Variants in ERC2 observed in about 807,000 individuals in gnomAD.
ERC2 encodes the protein ERC protein 2.
Under a neutral mutation model 114.8 loss-of-function variants are expected in ERC2, and 42 were observed. The ratio of observed to expected loss-of-function variants is 0.37; its 90% confidence interval spans 0.29 to 0.47. The LOEUF (loss-of-function observed/expected upper bound fraction) is 0.47. Ranked by LOEUF, ERC2 falls within the 20% of genes least tolerant of loss-of-function variation. The probability of loss-of-function intolerance (pLI) is 0.99; values close to 1 mark genes in which losing one functional copy is unlikely to be tolerated. For synonymous variants in ERC2, 454 were observed against 425.5 expected, an observed-to-expected ratio of 1.07 and a Z score of -0.82; for missense variants, 939 against 1,150.7, an observed-to-expected ratio of 0.82 and a Z score of 2.66.
intron 3 of ERC2, among the ~76,000 whole-genome samples, chr3:56,239,358 T>A (rs1211326564): frequency 6.6e-6 from 1 of 150,882 alleles, no homozygotes; most frequent in Non-Finnish European, 1.5e-5. Context: ...CACAAAAAAT[T>A]AGCCAGGCAT....
intron 7 of ERC2, among the ~76,000 whole-genome samples, chr3:56,066,781 C>T (rs2076502355): frequency 6.6e-6 from 1 of 152,008 alleles, no homozygotes; most frequent in Admixed American, 6.6e-5. Flanking sequence ...GGCCTATTTT[C>T]CCAGCACCAT....
rs141377507 is a variant in ERC2, at chr3:55,586,455, T to C, written c.*40-75179A>G. Among the ~76,000 whole-genome samples the C allele has an allele frequency of 6.0e-3, 915 of 152,336 alleles. 8 individuals are homozygous for C. Among genetic ancestry groups the C allele is most frequent in the Non-Finnish European group, 0.011 (757 of 68,034 alleles). On this transcript the variant is annotated intron_variant, in intron 17 of 17. Coordinates refer to ENST00000288221, the MANE Select transcript of ERC2 (RefSeq NM_015576.3). ...TTACCGGATATTTCCCCATTCTAAA[T>C]TCACAAACATAAGAACGCAATCTAA...
chr3:56,439,655 T>C (rs1257166638), intron 1 of ERC2, among the ~76,000 whole-genome samples: 1 of 152,226 alleles, frequency 6.6e-6, no homozygotes, highest in Non-Finnish European at 1.5e-5. Context: ...TTAAATGATA[T>C]AGCTTTTGGT....
intron 14 of ERC2, among the ~76,000 whole-genome samples, chr3:55,796,900 A>G (rs1184467724): frequency 6.7e-6 from 1 of 150,014 alleles, no homozygotes; most frequent in African/African-American, 2.5e-5. Context: ...TTTAAATAAA[A>G]CAACAACCAA....
At chr3:55,945,341 CCATAACACATGAACATAGATCACA>C (rs2067058317) in intron 13 of ERC2, among the ~76,000 whole-genome samples, 2 of 152,250 alleles carry the variant, frequency 1.3e-5, no homozygotes, top group East Asian at 3.9e-4. Context: ...GGTAAGTGTA[CCATAACACATGAACATAGATCACA>C]TTTAAAGTAA....
chr3:55,953,502 G>A (rs2067720991), intron 12 of ERC2, among the ~76,000 whole-genome samples: 1 of 152,170 alleles, frequency 6.6e-6, no homozygotes, highest in Non-Finnish European at 1.5e-5. Flanking sequence ...ATTTCTAGCA[G>A]TTGAAGCCTT....
At chr3:56,463,073 C>T (rs931846527) in intron 1 of ERC2, among the ~76,000 whole-genome samples, 1 of 151,996 alleles carries the variant, frequency 6.6e-6, no homozygotes, top group African/African-American at 2.4e-5. Flanking sequence ...CAAAAGTATA[C>T]AAAAATCAGC....
In ERC2 at chr3:56,033,050, AAGAAAG is replaced by A. The variant is rs1560058587; in HGVS notation, c.1642-14025_1642-14020del. On this transcript the variant is annotated intron_variant, in intron 7 of 17. Transcript: ENST00000288221. ...AGAAACAGAAAGAAAGAAAGAAAGA[AAGAAAG>A]AAAGAAAGAAAGAAAGAAAGAAAGA... 5.1e-3 allele frequency among the ~76,000 whole-genome samples: 547 copies of A among 106,740 alleles called. 11 individuals carry two copies. Among genetic ancestry groups the A allele is most frequent in the Non-Finnish European group, 8.6e-3 (376 of 43,960 alleles). The allele number at this position is 106,740 out of a possible 152,430, so 70.0% of individuals were successfully genotyped here.
At chr3:56,203,921 C>T (rs918898385) in intron 3 of ERC2, among the ~76,000 whole-genome samples, 2 of 152,206 alleles carry the variant, frequency 1.3e-5, no homozygotes, top group Non-Finnish European at 2.9e-5. Context: ...GTGGCTTACG[C>T]CTGTAATCCC....
At chr3:56,161,250 G>T (rs567167829) in intron 4 of ERC2, among the ~76,000 whole-genome samples, 1 of 152,148 alleles carries the variant, frequency 6.6e-6, no homozygotes, top group Admixed American at 6.5e-5. Context: ...CTGAGCAGTT[G>T]TTGTTGCCAT....
chr3:56,463,158 G>T (rs2063393471), intron 1 of ERC2, among the ~76,000 whole-genome samples: 2 of 152,296 alleles, frequency 1.3e-5, no homozygotes, highest in South Asian at 4.1e-4. Flanking sequence ...AGCCGGGGAA[G>T]TCAAGGCTGC....
chr3:55,844,697 T>C (rs1308917013), intron 14 of ERC2, among the ~76,000 whole-genome samples: 2 of 152,172 alleles, frequency 1.3e-5, no homozygotes, highest in Non-Finnish European at 2.9e-5. Context: ...TATCTCAATT[T>C]AAAAAAATTA....
chr3:55,520,890 A>C, intron 17 of ERC2, among the ~76,000 whole-genome samples: 1 of 152,170 alleles, frequency 6.6e-6, no homozygotes, highest in East Asian at 1.9e-4. Flanking sequence ...ATCTCCCTAA[A>C]CTGGATCTTA....
intron 3 of ERC2, among the ~76,000 whole-genome samples, chr3:56,198,456 G>A (rs1246019494): frequency 6.6e-6 from 1 of 152,158 alleles, no homozygotes; most frequent in Non-Finnish European, 1.5e-5. Flanking sequence ...CAGGGAGGAG[G>A]TCAGAGGAGA....
chr3:55,564,094 G>A (rs973752444), intron 17 of ERC2, among the ~76,000 whole-genome samples: 7 of 152,244 alleles, frequency 4.6e-5, no homozygotes, highest in Admixed American at 1.3e-4. Context: ...GTTCTAAGGC[G>A]CGGTATCTGG....
At chr3:55,975,525 AC>A (rs1331332729) in intron 12 of ERC2, among the ~76,000 whole-genome samples, 10 of 152,042 alleles carry the variant, frequency 6.6e-5, no homozygotes, top group African/African-American at 2.4e-4. Flanking sequence ...AGATTTTTGT[AC>A]TTTTGTCTTT....
At chr3:55,608,534 C>T (rs901212526) in intron 17 of ERC2, among the ~76,000 whole-genome samples, 4 of 152,100 alleles carry the variant, frequency 2.6e-5, no homozygotes, top group African/African-American at 9.7e-5. Flanking sequence ...CCTATGATGC[C>T]GCGATCAGCC....
intron 1 of ERC2, among the ~76,000 whole-genome samples, chr3:56,461,153 GC>G (rs1341856849): frequency 6.6e-6 from 1 of 152,114 alleles, no homozygotes; most frequent in Non-Finnish European, 1.5e-5. Flanking sequence ...GTAGATGCCA[GC>G]CCACTCTTTT....
chr3:55,796,113 CT>C (rs1211741850), intron 14 of ERC2, among the ~76,000 whole-genome samples: 1 of 152,200 alleles, frequency 6.6e-6, no homozygotes, highest in Non-Finnish European at 1.5e-5. Context: ...AGGCAGGCCT[CT>C]TAGGCAAGAA....
Sources: allele counts gnomAD v4.1 joint callset (sites outside exome capture counted in the v4.1 genomes callset), GRCh38; gene constraint gnomAD v4.1.1; transcripts MANE v1.5; gene names NCBI Gene and HGNC (gene_info 2026-07-23, HGNC 2026-07-21).